The following TRABD2B variants were observed in gnomAD, a reference collection of about 807,000 sequenced individuals.
TRABD2B encodes metalloprotease TIKI2.
In TRABD2B, 14 loss-of-function variants were observed where a neutral mutation model predicts 40.1. The observed-to-expected ratio is 0.35, with a 90% CI of 0.23 to 0.55. The LOEUF (loss-of-function observed/expected upper bound fraction) is 0.55, where lower values mean the gene tolerates loss of function less well. Ranked by LOEUF, TRABD2B falls within the 20% of genes least tolerant of loss-of-function variation. TRABD2B has a pLI of 0.90. For synonymous variants in TRABD2B, 263 were observed against 277.0 expected (o/e 0.95, Z 0.50); for missense variants, 541 against 648.6 (o/e 0.83, Z 1.80).
At chr1:47,827,860 T>A (rs557731756) in intron 2 of TRABD2B, among the ~76,000 whole-genome samples, 1 of 152,264 alleles carries the variant, frequency 6.6e-6, no homozygotes, top group South Asian at 2.1e-4. Context: ...ACCCCCCTTT[T>A]TAAACAGAAG....
chr1:47,896,371 ACT>A (rs1331135114), intron 2 of TRABD2B, among the ~76,000 whole-genome samples: 1 of 151,674 alleles, frequency 6.6e-6, no homozygotes, highest in Admixed American at 6.6e-5. Flanking sequence ...TAACAAAGAA[ACT>A]CTGGGTTCAA....
chr1:47,923,915 T>TACACACACACACACAC (rs60288001), intron 2 of TRABD2B, among the ~76,000 whole-genome samples: 3 of 132,512 alleles, frequency 2.3e-5, no homozygotes, highest in African/African-American at 8.4e-5. Context: ...CATACACACA[T>TACACACACACACACAC]ACACACACAC....
chr1:47,778,265 G>C (rs1644474126), intron 5 of TRABD2B, among the ~76,000 whole-genome samples, 189 bp downstream of exon 5: 2 of 152,212 alleles, frequency 1.3e-5, no homozygotes, highest in South Asian at 4.1e-4. Flanking sequence ...CTCTGGCCCT[G>C]CTGTCACCTA....
intron 2 of TRABD2B, among the ~76,000 whole-genome samples, chr1:47,846,642 A>T (rs1645473846): frequency 6.6e-6 from 1 of 152,148 alleles, no homozygotes; most frequent in African/African-American, 2.4e-5. Flanking sequence ...CAATTCAGGG[A>T]ACAAAAGGAA....
chr1:47,926,157 T>C (rs1644965971), intron 2 of TRABD2B, among the ~76,000 whole-genome samples: 1 of 152,186 alleles, frequency 6.6e-6, no homozygotes, highest in Non-Finnish European at 1.5e-5. Context: ...TTTAGGTAAA[T>C]CATATGTTAT....
Position 47,997,023 on chromosome 1 carries a change from G to A in TRABD2B, c.-234C>T. 9.3e-7 allele frequency: 1 copy of A among 1,069,670 alleles called. No individual in the cohort carries two copies. Among genetic ancestry groups the A allele is most frequent in the Non-Finnish European group, 1.1e-6 (1 of 885,706 alleles). The allele number at this position is 1,069,670 out of a possible 1,614,324, so 66.3% of individuals were successfully genotyped here. ...CTAGGGCTGGGCCCCTCCCCCGGGC[G>A]CTCAACCTCGCTGGCCGAGCCCCCG... On this transcript the variant is annotated 5_prime_UTR_variant, in exon 1 of 7. Transcript: ENST00000606738.
intron 2 of TRABD2B, among the ~76,000 whole-genome samples, chr1:47,811,303 G>A (rs564803323): frequency 2.6e-4 from 40 of 150,996 alleles, no homozygotes; most frequent in Non-Finnish European, 4.7e-4. Flanking sequence ...CACAACCCAA[G>A]AAGCATGGAC....
intron 2 of TRABD2B, among the ~76,000 whole-genome samples, chr1:47,812,589 C>T (rs913284365): frequency 6.6e-5 from 10 of 152,072 alleles, no homozygotes; most frequent in African/African-American, 2.2e-4. Flanking sequence ...TATGCTGTCA[C>T]GTGCCTGTAG....
At chr1:47,930,208 T>C (rs971807054) in intron 2 of TRABD2B, among the ~76,000 whole-genome samples, 16 of 152,236 alleles carry the variant, frequency 1.1e-4, no homozygotes, top group African/African-American at 3.6e-4. Flanking sequence ...TGCCTTTCAG[T>C]GTCTGATAGG....
chr1:47,931,274 T>A (rs901748029), intron 2 of TRABD2B, among the ~76,000 whole-genome samples: 2 of 152,174 alleles, frequency 1.3e-5, no homozygotes, highest in Non-Finnish European at 2.9e-5. Context: ...CCTAGATTGT[T>A]CTAGAGCAGG....
At chr1:47,895,993 T>C (rs1248793332) in intron 2 of TRABD2B, among the ~76,000 whole-genome samples, 1 of 152,208 alleles carries the variant, frequency 6.6e-6, no homozygotes, top group Admixed American at 6.5e-5. Context: ...ATTCCAGCAA[T>C]GGCTGCCGGG....
intron 5 of TRABD2B, among the ~76,000 whole-genome samples, chr1:47,775,726 TC>T (rs1258325436): frequency 1.3e-5 from 2 of 152,162 alleles, no homozygotes; most frequent in African/African-American, 4.8e-5. Flanking sequence ...AGACAATGCC[TC>T]TGATCTCTGA....
At chr1:47,836,397 G>A (rs534562531) in intron 2 of TRABD2B, among the ~76,000 whole-genome samples, 110 of 152,310 alleles carry the variant, frequency 7.2e-4, no homozygotes, top group African/African-American at 2.6e-3. Flanking sequence ...TTGCCCCTCA[G>A]CCTTCTTAGC....
chr1:47,949,649 C>T (rs1645312956), intron 2 of TRABD2B, among the ~76,000 whole-genome samples: 1 of 151,780 alleles, frequency 6.6e-6, no homozygotes, highest in Non-Finnish European at 1.5e-5. Flanking sequence ...CTCAAATGAT[C>T]CACCCGCCTC....
rs180707751 is a variant in TRABD2B, at chr1:47,933,077, A to G, written c.666+60957T>C. Among the ~76,000 whole-genome samples, 3 of 150,930 alleles carry G rather than the reference A, an allele frequency of 2.0e-5. No individual in the cohort carries two copies. In the East Asian group the frequency reaches 5.9e-4, roughly 30 times the overall value. ...TCAGTCTCCCATCTCCTTGGCGTTC[A>G]GAGCCCTCCGTGAGCCCCCATCTCC... On this transcript the variant is annotated intron_variant, in intron 2 of 6. Coordinates refer to ENST00000606738, the MANE Select transcript of TRABD2B (RefSeq NM_001194986.2).
intron 2 of TRABD2B, among the ~76,000 whole-genome samples, chr1:47,826,959 C>T (rs1205802631): frequency 6.6e-6 from 1 of 152,158 alleles, no homozygotes; most frequent in Admixed American, 6.5e-5. Context: ...TCTGTAGTGA[C>T]CCCCACACAC....
At chr1:47,941,065 CAG>C (rs1645180392) in intron 2 of TRABD2B, among the ~76,000 whole-genome samples, 1 of 152,166 alleles carries the variant, frequency 6.6e-6, no homozygotes, top group East Asian at 1.9e-4. Flanking sequence ...GCAGCCTTCC[CAG>C]ACTTACCCCT....
chr1:47,793,625 G>A (rs1331391442), intron 4 of TRABD2B, among the ~76,000 whole-genome samples: 1 of 152,232 alleles, frequency 6.6e-6, no homozygotes, highest in African/African-American at 2.4e-5. Flanking sequence ...TCACAATGCA[G>A]GAGGTGAGTT....
chr1:47,792,884 G>A (rs558787796), intron 4 of TRABD2B, among the ~76,000 whole-genome samples: 2 of 152,214 alleles, frequency 1.3e-5, no homozygotes, highest in African/African-American at 4.8e-5. Flanking sequence ...ACTCAGGGTG[G>A]TTCCCCATTT....
Sources: allele counts gnomAD v4.1 joint callset (sites outside exome capture counted in the v4.1 genomes callset), GRCh38; gene constraint gnomAD v4.1.1; transcripts MANE v1.5; gene names NCBI Gene and HGNC (gene_info 2026-07-23, HGNC 2026-07-21).